The following ZNF334 variants were observed in gnomAD, a reference collection of about 807,000 sequenced individuals.
ZNF334 encodes the protein zinc finger protein 334.
In ZNF334, 14 loss-of-function variants were observed where a neutral mutation model predicts 12.4. The ratio of observed to expected loss-of-function variants is 1.13; its 90% confidence interval spans 0.74 to 1.76. The LOEUF is 1.76. ZNF334 is among the 40% of genes most tolerant of loss of function. The pLI, the probability that ZNF334 is intolerant of heterozygous loss-of-function variation, is 0.00. For synonymous variants in ZNF334, 273 were observed against 269.6 expected (o/e 1.01, Z -0.12); for missense variants, 797 against 804.5 (o/e 0.99, Z 0.11).
intron 2 of ZNF334, among the ~76,000 whole-genome samples, chr20:46,508,322 T>A (rs1467171899): frequency 6.6e-6 from 1 of 152,198 alleles, no homozygotes; most frequent in East Asian, 1.9e-4. Context: ...AGGCTAATAG[T>A]CTTACTTGTG....
chr20:46,480,691 T>A, the ZNF334 span, among the ~76,000 whole-genome samples: 7 of 152,178 alleles, frequency 4.6e-5, no homozygotes, highest in African/African-American at 2.4e-5. Flanking sequence ...GGTAGTGAGC[T>A]GGGCTTGATT....
In ZNF334 at chr20:46,512,819, A is replaced by G. The variant is rs931881217; in HGVS notation, c.-318T>C. On this transcript the variant is annotated 5_prime_UTR_variant, in exon 1 of 5. Coordinates refer to ENST00000692313, the MANE Select transcript of ZNF334 (RefSeq NM_001353824.2). ...ATATTTACTAAGTCGTAATTTTAAT[A>G]TAAGATAAATTGGTTTTTAGTCTTT... The G allele has an allele frequency of 6.6e-6, 1 of 152,258 alleles. No individual in the cohort carries two copies. The highest frequency in any genetic ancestry group is 2.4e-5 in the African/African-American group (1 of 41,468). The allele number at this position is 152,258 out of a possible 1,614,324, so 9.4% of individuals were successfully genotyped here. A position where few individuals can be genotyped will look rare whatever the true frequency, so the allele number is the denominator to read the frequency against.
rs1379287179 is a variant in ZNF334 at position 46,512,703 on chromosome 20, T to C, written c.-202A>G. 1.3e-5 allele frequency: 2 copies of C among 152,278 alleles called. No homozygotes were observed. The highest frequency in any genetic ancestry group is 2.9e-5 in the Non-Finnish European group (2 of 68,090). 9.4% of individuals were successfully genotyped at this position (152,278 alleles called of 1,614,324 possible). A position where few individuals can be genotyped will look rare whatever the true frequency, so the allele number is the denominator to read the frequency against. On this transcript the variant is annotated 5_prime_UTR_variant, in exon 1 of 5. Transcript: ENST00000692313. ...AACTTCTTGTGGTAGGTAACGTAAA[T>C]GTGGTAGATGACAAAAGCCCTGACC... is the stretch of plus-strand genomic sequence containing the variant.
At chr20:46,512,289 T>A in intron 1 of ZNF334, 149 bp from the exon 2 acceptor site, 1 of 586,624 alleles carries the variant, frequency 1.7e-6, no homozygotes, top group Non-Finnish European at 3.0e-6. Flanking sequence ...AACGTTCACT[T>A]GTCCATTTAT....
At chr20:46,491,302 T>C in the ZNF334 span, 2 of 152,804 alleles carry the variant, frequency 1.3e-5, no homozygotes, top group Non-Finnish European at 2.9e-5. Flanking sequence ...AAAAAACTCA[T>C]ACTCAAAGGA....
chr20:46,496,716 G>A (rs1331851950), downstream of ZNF334: 1 of 152,248 alleles, frequency 6.6e-6, no homozygotes, highest in Non-Finnish European at 1.5e-5. Context: ...CTTACCTGCT[G>A]GTTCTTGTTG....
the ZNF334 span, chr20:46,484,894 G>C: frequency 6.1e-6 from 1 of 163,604 alleles, no homozygotes; most frequent in African/African-American, 2.4e-5. Flanking sequence ...CACTGCTTTA[G>C]AGGTTCTGGG....
chr20:46,503,126 T>C, intron 4 of ZNF334, 29 bp from the exon 5 acceptor site: 7 of 1,555,046 alleles, frequency 4.5e-6, no homozygotes, highest in African/African-American at 1.4e-5. Context: ...TTAACGGTAA[T>C]TGGTGAGCCT....
At position 46,512,156 on chromosome 20, in the gene ZNF334, T is replaced by G; in HGVS notation, c.-38-16A>C. On this transcript the variant is annotated splice_polypyrimidine_tract_variant and intron_variant, in intron 1 of 4. Coordinates refer to ENST00000692313, the MANE Select transcript of ZNF334 (RefSeq NM_001353824.2). Reference sequence around the variant, plus strand: ...GAAAGCAGAGCTGGGTAAGGAAGAATGGCGAATGGAATCATGAGCGATTTG... The same window carrying G: ...GAAAGCAGAGCTGGGTAAGGAAGAAGGGCGAATGGAATCATGAGCGATTTG... 6.2e-7 allele frequency: 1 copy of G among 1,603,536 alleles called. No individual in the cohort carries two copies. The highest frequency in any genetic ancestry group is 1.7e-5 in the Admixed American group (1 of 59,924).
At chr20:46,463,897 T>C in the ZNF334 span, 1 of 478,416 alleles carries the variant, frequency 2.1e-6, no homozygotes, top group African/African-American at 2.0e-5. Flanking sequence ...AGGTGGCTAC[T>C]GAGCCAAGTC....
chr20:46,464,338 C>T, the ZNF334 span: 1 of 535,188 alleles, frequency 1.9e-6, no homozygotes, highest in Non-Finnish European at 3.7e-6. Flanking sequence ...CTGGGTAGGA[C>T]ACTATGATCT....
rs1218032796 is a variant in ZNF334, at chr20:46,501,266, C to A, written c.*30G>T. The A allele has an allele frequency of 6.3e-7, 1 of 1,585,916 alleles. No individual in the cohort carries two copies. Among genetic ancestry groups the A allele is most frequent in the South Asian group, 1.2e-5 (1 of 85,336 alleles). ...ATTGTGTAAGTTATTTGATTTGTTG[C>A]TTTGTTGGAATTTATTACTTTGTTG... is the stretch of plus-strand genomic sequence containing the variant. On this transcript the variant is annotated 3_prime_UTR_variant, in exon 5 of 5. Transcript: ENST00000692313.
chr20:46,483,291 A>AT, the ZNF334 span, among the ~76,000 whole-genome samples: 29,244 of 150,804 alleles, frequency 0.19, 2,973 homozygotes, highest in African/African-American at 0.25. Context: ...TGCAGCTTCT[A>AT]TTTTTTTTTC....
At chr20:46,472,618 G>A in the ZNF334 span, among the ~76,000 whole-genome samples, 1 of 152,178 alleles carries the variant, frequency 6.6e-6, no homozygotes, top group East Asian at 1.9e-4. Flanking sequence ...TTCAAGGATT[G>A]GTAAGAAGGC....
At chr20:46,512,469 AT>A (rs2050165350) in intron 1 of ZNF334, 70 bp downstream of exon 1, 1 of 172,682 alleles carries the variant, frequency 5.8e-6, no homozygotes, top group South Asian at 1.5e-4. Flanking sequence ...CTGGAACACT[AT>A]TTTGGCATTA....
chr20:46,502,137 CCT>C lies in ZNF334; in HGVS notation c.1200_1201del (p.Glu402LysfsTer4), dbSNP rs543974571. 2.0e-4 allele frequency: 330 copies of C among 1,614,146 alleles called. No individual in the cohort carries two copies. The highest frequency in any genetic ancestry group is 1.2e-3 in the African/African-American group (91 of 75,058). On this transcript the variant is annotated frameshift_variant, in exon 5 of 5. Transcript: ENST00000692313. LOFTEE classifies it low-confidence loss of function (END_TRUNC). Reference sequence around the variant, plus strand: ...TTCACTACATTCATAGGGTTTTTCCCCTGTGTGAATTCTCTGATGCGCAGTAA... The same window carrying C: ...TTCACTACATTCATAGGGTTTTTCCCGTGTGAATTCTCTGATGCGCAGTAA...
At chr20:46,478,325 G>C in the ZNF334 span, among the ~76,000 whole-genome samples, 1 of 152,204 alleles carries the variant, frequency 6.6e-6, no homozygotes, top group Non-Finnish European at 1.5e-5. Context: ...GTCTGGAAAG[G>C]TGGGACAACT....
downstream of ZNF334, among the ~76,000 whole-genome samples, chr20:46,495,136 C>T (rs2061000426): frequency 6.6e-6 from 1 of 151,976 alleles, no homozygotes; most frequent in Non-Finnish European, 1.5e-5. Context: ...CTCAAAATAT[C>T]ATCTGCACAC....
At chr20:46,488,419 T>TTATATATATATATATA in the ZNF334 span, among the ~76,000 whole-genome samples, 350 of 102,174 alleles carry the variant, frequency 3.4e-3, 8 homozygotes, top group African/African-American at 0.012. Context: ...AGCTCTTATT[T>TTATATATATATATATA]TATATATATA....
Sources: gnomAD v4.1 joint callset for allele counts (sites outside exome capture counted in the v4.1 genomes callset) on GRCh38, gnomAD v4.1.1 for gene constraint, MANE v1.5 for transcripts, NCBI Gene and HGNC (gene_info 2026-07-23, HGNC 2026-07-21) for gene names.